Variants in XRCC4 observed in about 807,000 individuals in gnomAD.
The protein encoded by XRCC4 is X-ray repair cross complementing 4.
XRCC4 carries 28 observed loss-of-function variants against 39.1 expected under a neutral mutation model. The ratio of observed to expected loss-of-function variants is 0.72; its 90% CI spans 0.53 to 0.98. The LOEUF (loss-of-function observed/expected upper bound fraction) is 0.98, where lower values mean the gene tolerates loss of function less well. Ranked by LOEUF, XRCC4 falls within the 50% of genes least tolerant of loss-of-function variation. The pLI is 0.00. For missense variants in XRCC4, 350 were observed against 376.4 expected (o/e 0.93, Z 0.58); for synonymous variants, 123 against 126.4 (o/e 0.97, Z 0.18).
intron 1 of XRCC4, among the ~76,000 whole-genome samples, chr5:83,093,892 T>G (rs1745546031): frequency 6.6e-6 from 1 of 152,010 alleles, no homozygotes. Flanking sequence ...GTTGGCAGCA[T>G]TTTTTTACGC....
At chr5:83,194,466 G>T (rs1750855315) in intron 3 of XRCC4, among the ~76,000 whole-genome samples, 1 of 152,124 alleles carries the variant, frequency 6.6e-6, no homozygotes, top group African/African-American at 2.4e-5. Flanking sequence ...ATGTCTAAGT[G>T]AAGTCTGCTT....
intron 3 of XRCC4, among the ~76,000 whole-genome samples, chr5:83,137,147 G>A (rs1413348499): frequency 6.6e-6 from 1 of 152,096 alleles, no homozygotes; most frequent in Non-Finnish European, 1.5e-5. Flanking sequence ...CAGAATCTAA[G>A]ATATTTTAGG....
At chr5:83,277,811 T>G (rs146711166) in intron 7 of XRCC4, among the ~76,000 whole-genome samples, 27 of 152,324 alleles carry the variant, frequency 1.8e-4, no homozygotes, top group African/African-American at 6.5e-4. Context: ...TCTGTACCAA[T>G]GTGATTGTCT....
chr5:83,176,176 A>T (rs1245780182), intron 3 of XRCC4, among the ~76,000 whole-genome samples: 1 of 152,186 alleles, frequency 6.6e-6, no homozygotes, highest in Non-Finnish European at 1.5e-5. Flanking sequence ...AATGTTTGTT[A>T]TGGTTGTTAC....
intron 6 of XRCC4, among the ~76,000 whole-genome samples, chr5:83,251,523 CAAAAAAAA>C (rs60359773): frequency 2.9e-5 from 2 of 69,914 alleles, no homozygotes. Flanking sequence ...GACTCCGTCT[CAAAAAAAA>C]AAAAAAAAAA....
At chr5:83,190,310 G>A (rs1011756363) in intron 3 of XRCC4, among the ~76,000 whole-genome samples, 13 of 152,024 alleles carry the variant, frequency 8.6e-5, no homozygotes, top group Non-Finnish European at 1.8e-4. Context: ...ATATGCAACT[G>A]TGTATATATC....
At chr5:83,373,276 C>G in the XRCC4 span, among the ~76,000 whole-genome samples, 6 of 152,210 alleles carry the variant, frequency 3.9e-5, no homozygotes, top group South Asian at 1.2e-3. Context: ...GTCCTTAGCA[C>G]GCACACTTCA....
intron 3 of XRCC4, among the ~76,000 whole-genome samples, chr5:83,156,140 T>TA (rs1323303322): frequency 6.6e-6 from 1 of 152,146 alleles, no homozygotes; most frequent in Non-Finnish European, 1.5e-5. Context: ...TAAATTTACT[T>TA]AAAGAGTTAT....
chr5:83,140,550 A>G (rs1748120040), intron 3 of XRCC4, among the ~76,000 whole-genome samples: 1 of 152,210 alleles, frequency 6.6e-6, no homozygotes, highest in Non-Finnish European at 1.5e-5. Flanking sequence ...CCGAGATACA[A>G]TATTTTGCCA....
intron 7 of XRCC4, among the ~76,000 whole-genome samples, chr5:83,320,156 A>G (rs1349536831): frequency 7.6e-6 from 1 of 132,236 alleles, no homozygotes; most frequent in South Asian, 2.5e-4. Context: ...GAATTGAACA[A>G]TGAGATCACA....
At chr5:83,102,609 A>T (rs1745994146) in intron 1 of XRCC4, among the ~76,000 whole-genome samples, 1 of 152,100 alleles carries the variant, frequency 6.6e-6, no homozygotes, top group Non-Finnish European at 1.5e-5. Context: ...CACACATCTC[A>T]TATGATTGCA....
intron 7 of XRCC4, among the ~76,000 whole-genome samples, chr5:83,275,192 T>C (rs191384454): frequency 1.5e-3 from 227 of 152,186 alleles, no homozygotes; most frequent in African/African-American, 5.2e-3. Flanking sequence ...ATATTTTAGC[T>C]TGAAAAACTG....
intron 6 of XRCC4, among the ~76,000 whole-genome samples, chr5:83,249,916 T>C (rs187118194): frequency 2.0e-5 from 3 of 152,284 alleles, no homozygotes; most frequent in African/African-American, 7.2e-5. Context: ...TTATATTTTA[T>C]TTATTTTGTC....
intron 6 of XRCC4, among the ~76,000 whole-genome samples, chr5:83,254,958 G>C (rs1017557047): frequency 6.6e-6 from 1 of 152,066 alleles, no homozygotes; most frequent in Admixed American, 6.6e-5. Flanking sequence ...ATGGTGGCAG[G>C]CTTCTGTAAT....
At position 83,142,702 on chromosome 5, in the gene XRCC4, A is replaced by C. The variant is rs560960090; in HGVS notation, c.315+31499A>C. Among the ~76,000 whole-genome samples, 5 of 152,194 alleles carry C rather than the reference A, an allele frequency of 3.3e-5. No individual in the cohort carries two copies. The South Asian group carries it at 8.3e-4, about 25-fold the overall frequency. ...TGTTTTTTTTGTTTGTTATTTTTTA[A>C]TTGTCATTAATTCTGATTACATCAG... On this transcript the variant is annotated intron_variant, in intron 3 of 7. Coordinates refer to ENST00000396027, the MANE Select transcript of XRCC4 (RefSeq NM_003401.5).
intron 3 of XRCC4, among the ~76,000 whole-genome samples, chr5:83,114,066 G>A (rs1448907850): frequency 6.6e-6 from 1 of 152,186 alleles, no homozygotes; most frequent in Non-Finnish European, 1.5e-5. Context: ...GGCCCGATCT[G>A]TACCTTTGCC....
intron 4 of XRCC4, among the ~76,000 whole-genome samples, chr5:83,199,289 T>C (rs1322206519): frequency 6.6e-6 from 1 of 152,210 alleles, no homozygotes; most frequent in Non-Finnish European, 1.5e-5. Context: ...ATGGGTAATC[T>C]GAATCCTTCA....
Position 83,279,486 on chromosome 5 carries a change from A to C in XRCC4, c.893+20809A>C, listed in dbSNP as rs911032496. 3.2e-4 allele frequency among the ~76,000 whole-genome samples: 49 copies of C among 152,360 alleles called. 1 individual carries two copies. Among genetic ancestry groups the C allele is most frequent in the African/African-American group, 1.0e-3 (43 of 41,596 alleles). On this transcript the variant is annotated intron_variant, in intron 7 of 7. Transcript: ENST00000396027. ...ACAGTGTTTTTAAGTCAAAGTTTTT[A>C]CTTTAAATATGTGATGATTACTCAA... is the stretch of plus-strand genomic sequence containing the variant.
chr5:83,108,617 T>G (rs1221705314), intron 2 of XRCC4, among the ~76,000 whole-genome samples: 1 of 151,828 alleles, frequency 6.6e-6, no homozygotes, highest in African/African-American at 2.4e-5. Flanking sequence ...TTTAATGAAA[T>G]TTAGAATACT....
Sources: gnomAD v4.1 joint callset for allele counts (sites outside exome capture counted in the v4.1 genomes callset) on GRCh38, gnomAD v4.1.1 for gene constraint, MANE v1.5 for transcripts, NCBI Gene and HGNC (gene_info 2026-07-23, HGNC 2026-07-21) for gene names.